The following IGFN1 variants were observed in gnomAD, a reference collection of about 807,000 sequenced individuals.
IGFN1 encodes immunoglobulin like and fibronectin type III domain containing 1.
IGFN1 carries 253 observed loss-of-function variants against 289.5 expected under a neutral mutation model. The ratio of observed to expected loss-of-function variants is 0.87; its 90% CI spans 0.79 to 0.97. IGFN1 has a LOEUF of 0.97. IGFN1 is among the 50% of genes least tolerant of loss of function. IGFN1 has a pLI of 0.00. For missense variants in IGFN1, 4,470 were observed against 4,686.1 expected (o/e 0.95, Z 1.35); for synonymous variants, 1,706 against 1,788.5 (o/e 0.95, Z 1.16).
rs1667865135 is a variant in IGFN1 at position 201,212,456 on chromosome 1, A to G, written c.7563A>G (p.Ile2521Met). ...VKDRSPDQAG[I>M]MGASGFLDGK... is the part of the protein sequence containing the mutation. ...ATAGGTCTCCAGACCAAGCAGGGAT[A>G]ATGGGGGCTTCTGGGTTTCTTGATG... Residue 2521 changes from isoleucine to methionine, a missense_variant, in exon 12 of 24, where the codon ATA becomes ATG. By Grantham distance (10) the Ile-to-Met change is conservative (BLOSUM62 1). Around this residue, in one of 8 missense-constraint regions of IGFN1, gnomAD observed 2,218 missense variants for 2,114.1 expected, o/e 1.05. Coordinates refer to ENST00000335211, the MANE Select transcript of IGFN1 (RefSeq NM_001164586.2). The G allele has an allele frequency of 1.3e-6, 2 of 1,537,978 alleles. No individual in the cohort carries two copies. The highest frequency in any genetic ancestry group is 1.7e-6 in the Non-Finnish European group (2 of 1,146,816).
rs192071493 is a variant in IGFN1 at position 201,203,474 on chromosome 1, A to C, written c.748-264A>C. ...CCTGAGCTGGAATGTCAGCAACTTC[A>C]GGTGCCCCTTTGTATAACACTTGCA... On this transcript the variant is annotated intron_variant, in intron 9 of 23. Transcript: ENST00000335211. Among the ~76,000 whole-genome samples the C allele has an allele frequency of 1.8e-4, 28 of 152,320 alleles. No individual in the cohort carries two copies. In the East Asian group the frequency reaches 5.0e-3, roughly 27 times the overall value.
chr1:201,191,926 T>C (rs1241414002), intron 1 of IGFN1, among the ~76,000 whole-genome samples: 1 of 141,316 alleles, frequency 7.1e-6, no homozygotes, highest in Non-Finnish European at 1.5e-5. Context: ...ACTACTCCAG[T>C]GTGGGGGTCA....
At chr1:201,202,881 G>A (rs569667864) in intron 9 of IGFN1, among the ~76,000 whole-genome samples, 67 of 151,396 alleles carry the variant, frequency 4.4e-4, no homozygotes, top group Middle Eastern at 3.4e-3. Context: ...TCAGCCTCCC[G>A]AGTAGCTGGG....
At position 201,208,500 on chromosome 1, in the gene IGFN1, CA is replaced by C; in HGVS notation, c.3608del (p.Gln1203ArgfsTer108). On this transcript the variant is annotated frameshift_variant, in exon 12 of 24. Transcript: ENST00000335211. LOFTEE classifies it high-confidence loss of function. Reference sequence around the variant, plus strand: ...TCACAATGGGGCCGCTTCTGGGAGCCAGTGGGCTTATGGGGCTGGCAATGTG... The same window carrying C: ...TCACAATGGGGCCGCTTCTGGGAGCCGTGGGCTTATGGGGCTGGCAATGTG... ...APHNGAASGS[Q>X]WAYGAGNVLG... 6.9e-7 allele frequency: 1 copy of C among 1,449,122 alleles called. No homozygotes were observed. The highest frequency in any genetic ancestry group is 9.0e-7 in the Non-Finnish European group (1 of 1,108,674). The allele number at this position is 1,449,122 out of a possible 1,614,324, so 89.8% of individuals were successfully genotyped here.
intron 18 of IGFN1, among the ~76,000 whole-genome samples, chr1:201,219,895 A>G (rs1653600468): frequency 6.6e-6 from 1 of 152,140 alleles, no homozygotes; most frequent in Admixed American, 6.5e-5. Flanking sequence ...AGCCTGTCCT[A>G]TCTTTTCTTT....
chr1:201,228,184 G>A (rs947900758), intron 23 of IGFN1, among the ~76,000 whole-genome samples: 8 of 152,170 alleles, frequency 5.3e-5, no homozygotes, highest in Admixed American at 6.5e-5. Context: ...GATGGCATTG[G>A]GGGTGATTAT....
At position 201,226,860 on chromosome 1, in the gene IGFN1, C is replaced by G. The variant is rs767977904; in HGVS notation, c.10787-22C>G. The G allele has an allele frequency of 2.6e-6, 4 of 1,542,018 alleles. No homozygotes were observed. The African/African-American group carries it at 5.5e-5, about 21-fold the overall frequency. ...CTTCCTCGCTTTCTCACCCTCTTCT[C>G]TCACCCCGGCTTTCACCACAGACAG... On this transcript the variant is annotated intron_variant, in intron 22 of 23. Coordinates refer to ENST00000335211, the MANE Select transcript of IGFN1 (RefSeq NM_001164586.2).
Position 201,212,878 on chromosome 1 carries a change from G to A in IGFN1, c.7985G>A (p.Gly2662Asp). ...GSLQEKDAAF[G>D]GTHEGPGGFK... ...CTGCAGGAGAAAGATGCCGCTTTTG[G>A]TGGGACCCATGAAGGGCCAGGGGGC... Residue 2662 changes from glycine to aspartate, a missense_variant, in exon 12 of 24, where the codon GGT becomes GAT. By Grantham distance (94) the Gly-to-Asp change is moderately conservative. Around this residue, in one of 8 missense-constraint regions of IGFN1, gnomAD observed 2,218 missense variants for 2,114.1 expected, o/e 1.05. Coordinates refer to ENST00000335211, the MANE Select transcript of IGFN1 (RefSeq NM_001164586.2). 1 of 1,551,318 alleles carries A rather than the reference G, an allele frequency of 6.4e-7. No homozygotes were observed. Among genetic ancestry groups the A allele is most frequent in the East Asian group, 2.4e-5 (1 of 40,918 alleles).
intron 20 of IGFN1, among the ~76,000 whole-genome samples, chr1:201,224,129 G>A (rs985260223): frequency 1.3e-5 from 2 of 152,176 alleles, no homozygotes; most frequent in African/African-American, 4.8e-5. Context: ...TTGACGGCAT[G>A]GTCACCAAGC....
rs149815205 is a variant in IGFN1, at chr1:201,227,194, C to A, written c.11099C>A (p.Thr3700Asn). The change falls in exon 23 of 24, where the codon ACC becomes AAC. Residue 3700 changes from threonine (T) to asparagine (N), a missense_variant. By Grantham distance (65) the Thr-to-Asn change is moderately conservative (BLOSUM62 0). Coordinates refer to ENST00000335211, the MANE Select transcript of IGFN1 (RefSeq NM_001164586.2). Reference sequence around the variant, plus strand: ...CTGGGCCAGGCAGTCAGCACTGCCACCCTCATTGTCATAGGTAATGGTGGC... The same window carrying A: ...CTGGGCCAGGCAGTCAGCACTGCCAACCTCATTGTCATAGGTAATGGTGGC... Reference protein sequence around the residue: ...NTLGQAVSTATLIVIEPST With the variant: ...NTLGQAVSTANLIVIEPST The A allele has an allele frequency of 8.2e-4, 1,305 of 1,592,314 alleles. 17 individuals carry two copies. In the African/African-American group the frequency reaches 0.016, roughly 19 times the overall value.
chr1:201,213,498 C>T lies in IGFN1; in HGVS notation c.8605C>T (p.Leu2869Phe). ...EDQSREPPGH[L>F]GSRRSGKDGR... ...TCAGAGCCGGGAGCCCCCTGGTCACCTTGGTAGCAGGAGAAGTGGCAAAGA... is the reference window on the plus strand; with the variant it reads ...TCAGAGCCGGGAGCCCCCTGGTCACTTTGGTAGCAGGAGAAGTGGCAAAGA... The change falls in exon 12 of 24, where the codon CTT (leucine) becomes TTT (phenylalanine). Residue 2869 changes from leucine to phenylalanine, a missense_variant. By Grantham distance (22) the Leu-to-Phe change is conservative. Around this residue, in one of 8 missense-constraint regions of IGFN1, gnomAD observed 2,218 missense variants for 2,114.1 expected, o/e 1.05. Transcript: ENST00000335211. 2 of 1,614,020 alleles carry T rather than the reference C, an allele frequency of 1.2e-6. No homozygotes were observed. Among genetic ancestry groups the T allele is most frequent in the Non-Finnish European group, 8.5e-7 (1 of 1,179,956 alleles).
At position 201,220,316 on chromosome 1, in the gene IGFN1, G is replaced by A. The variant is rs113146481; in HGVS notation, c.9899-1128G>A. ...TCCTGCCTCAGCCTCTTAAGCAGCT[G>A]GAACTATGAGCATGTGCCACCACAC... On this transcript the variant is annotated intron_variant, in intron 18 of 23. Transcript: ENST00000335211. Among the ~76,000 whole-genome samples, 310 of 152,262 alleles carry A rather than the reference G, an allele frequency of 2.0e-3. 3 individuals carry two copies. Among genetic ancestry groups the A allele is most frequent in the African/African-American group, 5.7e-3 (238 of 41,552 alleles).
chr1:201,199,664 G>C lies in IGFN1; in HGVS notation c.458+10G>C. 6.4e-7 allele frequency: 1 copy of C among 1,551,336 alleles called. No homozygotes were observed. The highest frequency in any genetic ancestry group is 1.2e-5 in the South Asian group (1 of 84,032). ...AGTTGCTGAAAAAGAGGTGGGTTTG[G>C]GCCTGTCCATGAGGGATTTTGGAGG... On this transcript the variant is annotated intron_variant, in intron 7 of 23. Coordinates refer to ENST00000335211, the MANE Select transcript of IGFN1 (RefSeq NM_001164586.2).
Position 201,209,401 on chromosome 1 carries a change from A to C in IGFN1, c.4508A>C (p.Glu1503Ala). ...TATAGGAAAGATTTGGGGGTTTCTG[A>C]GGGAGGGGGTTCAGGGAGCAAAGCA... Reference protein sequence around the residue: ...AGYRKDLGVSEGGGSGSKAGY... With the variant: ...AGYRKDLGVSAGGGSGSKAGY... Residue 1503 changes from glutamate (E) to alanine (A), a missense_variant, in exon 12 of 24, where the codon GAG (glutamate) becomes GCG (alanine). Glu to Ala is a moderately radical substitution (Grantham distance 107). Around this residue, in one of 8 missense-constraint regions of IGFN1, gnomAD observed 2,011 missense variants for 1,953.4 expected, o/e 1.03. Transcript: ENST00000335211. 6.6e-7 allele frequency: 1 copy of C among 1,518,844 alleles called. No homozygotes were observed. Among genetic ancestry groups the C allele is most frequent in the Non-Finnish European group, 8.8e-7 (1 of 1,139,382 alleles). 94.1% of individuals were successfully genotyped at this position (1,518,844 alleles called of 1,614,324 possible). A position where few individuals can be genotyped will look rare whatever the true frequency, so the allele number is the denominator to read the frequency against.
chr1:201,193,474 C>T (rs1291274909), intron 2 of IGFN1, among the ~76,000 whole-genome samples, 174 bp downstream of exon 2: 1 of 151,924 alleles, frequency 6.6e-6, no homozygotes, highest in Non-Finnish European at 1.5e-5. Context: ...TTTTTTGAGA[C>T]AGAATCTCAC....
At position 201,209,951 on chromosome 1, in the gene IGFN1, A is replaced by G; in HGVS notation, c.5058A>G (p.Ser1686=). 1 of 1,482,628 alleles carries G rather than the reference A, an allele frequency of 6.7e-7. No individual in the cohort carries two copies. The highest frequency in any genetic ancestry group is 2.5e-5 in the East Asian group (1 of 39,668). 91.8% of individuals were successfully genotyped at this position (1,482,628 alleles called of 1,614,324 possible). Residue 1686 remains serine (S), a synonymous_variant, in exon 12 of 24, where the codon TCA becomes TCG. Coordinates refer to ENST00000335211, the MANE Select transcript of IGFN1 (RefSeq NM_001164586.2). ...TGGGGGCTCCTGAGGGAATAGGTTC[A>G]GGGAGTAAGGCAGGTTTTAGGGATG... is the stretch of plus-strand genomic sequence containing the variant. ...KNLGAPEGIG[S]GSKAGFRDGL... is the part of the protein sequence containing the mutation.
rs553317002 is a variant in IGFN1 at position 201,204,057 on chromosome 1, T to C, written c.916+151T>C. On this transcript the variant is annotated intron_variant, in intron 10 of 23. Transcript: ENST00000335211. ...AGGGACACATACCTAGATGGCCAAA[T>C]TTTGATGCTTTCTGTTTTCCAAAGC... Among the ~76,000 whole-genome samples, 102 of 152,284 alleles carry C rather than the reference T, an allele frequency of 6.7e-4. 1 individual carries two copies. The highest frequency in any genetic ancestry group is 8.7e-4 in the African/African-American group (36 of 41,564).
Position 201,197,285 on chromosome 1 carries a change from C to G in IGFN1, c.335C>G (p.Ala112Gly), listed in dbSNP as rs988165457. The part of the protein sequence containing the change: ...RCTAVNAYGE[A>G]ACSVRLTVIE... ...ACAGCAGTAAATGCGTACGGAGAGG[C>G]CGCTTGCTCAGTGAGACTCACTGTC... is the stretch of plus-strand genomic sequence containing the variant. The change falls in exon 5 of 24, where the codon GCC becomes GGC. Residue 112 changes from alanine (A) to glycine (G), a missense_variant. Transcript: ENST00000335211. 5 of 1,551,242 alleles carry G rather than the reference C, an allele frequency of 3.2e-6. No individual in the cohort carries two copies. The highest frequency in any genetic ancestry group is 4.4e-6 in the Non-Finnish European group (5 of 1,146,734).
chr1:201,204,705 G>A (rs111899169), intron 10 of IGFN1, among the ~76,000 whole-genome samples: 72 of 152,262 alleles, frequency 4.7e-4, no homozygotes, highest in African/African-American at 1.7e-3. Context: ...AACTTTTTAA[G>A]CCTTAGTTTT....
Sources: allele counts gnomAD v4.1 joint callset (sites outside exome capture counted in the v4.1 genomes callset), GRCh38; gene constraint gnomAD v4.1.1; regional missense constraint gnomAD v4.1.1; transcripts MANE v1.5; gene names NCBI Gene and HGNC (gene_info 2026-07-23, HGNC 2026-07-21).